The following DOCK8 variants were observed in gnomAD, a reference collection of about 807,000 sequenced individuals.
DOCK8 encodes dedicator of cytokinesis protein 8.
DOCK8 carries 141 observed loss-of-function variants against 245.6 expected under a neutral mutation model. The ratio of observed to expected loss-of-function variants is 0.57; its 90% CI spans 0.50 to 0.66. DOCK8 has a LOEUF of 0.66. DOCK8 is among the 30% of genes least tolerant of loss of function. The probability of loss-of-function intolerance (pLI) is 0.00; values close to 1 mark genes in which losing one functional copy is unlikely to be tolerated. For synonymous variants in DOCK8, 1,168 were observed against 970.2 expected (o/e 1.20, Z -3.79); for missense variants, 2,965 against 2,603.4 (o/e 1.14, Z -3.02).
intron 45 of DOCK8, 32 bp from the exon 46 acceptor site, chr9:451,975 ATATT>A (rs1440045083): frequency 1.0e-4 from 23 of 225,212 alleles, no homozygotes; most frequent in African/African-American, 7.7e-4. Flanking sequence ...ATATATATAT[ATATT>A]TTTTTTTTTT....
intron 1 of DOCK8, among the ~76,000 whole-genome samples, chr9:261,965 C>T (rs1319900719): frequency 6.9e-6 from 1 of 144,520 alleles, no homozygotes; most frequent in Admixed American, 7.0e-5. Context: ...CTTTTTATGT[C>T]CTTATATTTA....
At chr9:393,854 A>G (rs1161371967) in intron 24 of DOCK8, among the ~76,000 whole-genome samples, 1 of 152,206 alleles carries the variant, frequency 6.6e-6, no homozygotes, top group African/African-American at 2.4e-5. Context: ...GCATTGATCA[A>G]AAGGACTCTG....
intron 9 of DOCK8, among the ~76,000 whole-genome samples, chr9:328,849 A>G (rs887901848): frequency 1.3e-5 from 2 of 150,362 alleles, no homozygotes; most frequent in African/African-American, 4.9e-5. Flanking sequence ...AGAAAACCAG[A>G]TCCTTTCTCT....
intron 2 of DOCK8, among the ~76,000 whole-genome samples, chr9:286,233 G>A (rs546948217): frequency 6.6e-6 from 1 of 152,288 alleles, no homozygotes; most frequent in Non-Finnish European, 1.5e-5. Flanking sequence ...CCGCCTTGGG[G>A]TGGGATTTTA....
chr9:273,557 T>A (rs997421694), intron 2 of DOCK8, among the ~76,000 whole-genome samples: 2 of 152,216 alleles, frequency 1.3e-5, no homozygotes, highest in Admixed American at 6.5e-5. Flanking sequence ...TTTGCTTTTT[T>A]AAAAAGTAAA....
At chr9:221,125 C>T (rs2046873426) in intron 1 of DOCK8, among the ~76,000 whole-genome samples, 1 of 152,166 alleles carries the variant, frequency 6.6e-6, no homozygotes, top group Admixed American at 6.5e-5. Flanking sequence ...TATATATGAA[C>T]ACATGTCGAT....
intron 1 of DOCK8, among the ~76,000 whole-genome samples, chr9:247,736 A>G (rs1587657661): frequency 1.3e-5 from 2 of 151,836 alleles, no homozygotes; most frequent in South Asian, 4.2e-4. Context: ...ACGGGGTTTC[A>G]TCGTGTTAGC....
intron 1 of DOCK8, among the ~76,000 whole-genome samples, chr9:269,328 T>C (rs2129904148): frequency 6.6e-6 from 1 of 152,062 alleles, no homozygotes; most frequent in Admixed American, 6.5e-5. Context: ...TTGGTTTAGC[T>C]TATTTCACTT....
chr9:249,824 C>T (rs2047606438), intron 1 of DOCK8, among the ~76,000 whole-genome samples: 1 of 148,732 alleles, frequency 6.7e-6, no homozygotes, highest in Admixed American at 6.8e-5. Flanking sequence ...CAAGGGGTTT[C>T]ACCATGTTGG....
chr9:264,446 T>C (rs947179089), intron 1 of DOCK8, among the ~76,000 whole-genome samples: 1 of 152,228 alleles, frequency 6.6e-6, no homozygotes, highest in African/African-American at 2.4e-5. Flanking sequence ...TTTCCACCTG[T>C]TGAATCCGTT....
At chr9:289,002 G>A (rs1343957954) in intron 3 of DOCK8, among the ~76,000 whole-genome samples, 1 of 152,162 alleles carries the variant, frequency 6.6e-6, no homozygotes, top group African/African-American at 2.4e-5. Context: ...TCCTTAAGTA[G>A]ACATGACAGG....
intron 4 of DOCK8, among the ~76,000 whole-genome samples, chr9:292,317 G>A (rs1426439731): frequency 2.8e-5 from 4 of 140,798 alleles, no homozygotes; most frequent in Non-Finnish European, 6.0e-5. Flanking sequence ...AAACTGGGAG[G>A]CAGAGGTTGT....
chr9:220,919 C>G (rs979705147), intron 1 of DOCK8: 1 of 268,318 alleles, frequency 3.7e-6, no homozygotes, highest in Non-Finnish European at 7.5e-6. Flanking sequence ...TGGGGTTTCA[C>G]CGTGTTGTTC....
At chr9:302,151 C>G (rs749497210) in intron 4 of DOCK8, among the ~76,000 whole-genome samples, 7 of 152,194 alleles carry the variant, frequency 4.6e-5, no homozygotes, top group Admixed American at 6.5e-5. Flanking sequence ...CAAAAACAGA[C>G]ACGTAGACCA....
chr9:377,448 T>G lies in DOCK8; in HGVS notation c.2440+237T>G, dbSNP rs558791344. 1.4e-4 allele frequency among the ~76,000 whole-genome samples: 21 copies of G among 152,320 alleles called. No individual in the cohort carries two copies. The South Asian group carries it at 3.9e-3, about 29-fold the overall frequency. ...TATTATAGCTTTTTGTAAACTTTAT[T>G]AAATGATTATAGGCAGTCTTTAAAA... On this transcript the variant is annotated intron_variant, in intron 20 of 47. Transcript: ENST00000432829.
chr9:360,526 A>T (rs559820689), intron 14 of DOCK8, among the ~76,000 whole-genome samples: 6 of 152,330 alleles, frequency 3.9e-5, no homozygotes, highest in Non-Finnish European at 7.3e-5. Context: ...AAGTAGCAGG[A>T]AAAAATTTTT....
intron 24 of DOCK8, 80 bp from the exon 25 acceptor site, chr9:396,705 G>A: frequency 6.3e-7 from 1 of 1,577,514 alleles, no homozygotes; most frequent in East Asian, 2.2e-5. Flanking sequence ...GAGCATTTCT[G>A]TGAGTCTTTC....
intron 26 of DOCK8, among the ~76,000 whole-genome samples, chr9:404,257 C>T (rs2055311174): frequency 6.6e-6 from 1 of 151,840 alleles, no homozygotes; most frequent in Admixed American, 6.6e-5. Flanking sequence ...TCACCTTTTT[C>T]TGCTTTTCAT....
At chr9:274,092 A>G (rs2048247722) in intron 2 of DOCK8, among the ~76,000 whole-genome samples, 1 of 152,192 alleles carries the variant, frequency 6.6e-6, no homozygotes, top group Non-Finnish European at 1.5e-5. Flanking sequence ...ATAATGCTTA[A>G]TATCTGTAAG....
Sources: allele counts gnomAD v4.1 joint callset (sites outside exome capture counted in the v4.1 genomes callset), GRCh38; gene constraint gnomAD v4.1.1; transcripts MANE v1.5; gene names NCBI Gene and HGNC (gene_info 2026-07-23, HGNC 2026-07-21).